Variants in DLC1 observed in about 807,000 individuals in gnomAD.
The protein encoded by DLC1 is rho GTPase-activating protein 7.
A neutral mutation model predicts 140.3 loss-of-function variants in DLC1; 54 were observed. That is an observed-to-expected ratio of 0.38 (90% CI 0.31 to 0.48). DLC1 has a LOEUF of 0.48. Ranked by LOEUF, DLC1 falls within the 20% of genes least tolerant of loss-of-function variation. DLC1 has a pLI of 0.96. For synonymous variants in DLC1, 986 were observed against 728.1 expected, an observed-to-expected ratio of 1.35 and a Z score of -5.70; for missense variants, 2,536 against 1,907.0, an observed-to-expected ratio of 1.33 and a Z score of -6.14.
intron 1 of DLC1, among the ~76,000 whole-genome samples, chr8:13,557,284 T>C (rs1439961171): frequency 6.6e-6 from 1 of 151,984 alleles, no homozygotes. Flanking sequence ...GACCAAATGG[T>C]GAGATGCAGC....
At chr8:13,166,711 T>C (rs1288915777) in intron 5 of DLC1, among the ~76,000 whole-genome samples, 5 of 151,762 alleles carry the variant, frequency 3.3e-5, no homozygotes, top group Non-Finnish European at 7.4e-5. Context: ...AGCCAACTTA[T>C]TTAAACTGCT....
intron 2 of DLC1, among the ~76,000 whole-genome samples, chr8:13,432,991 A>C (rs2117402227): frequency 6.8e-6 from 1 of 146,094 alleles, no homozygotes; most frequent in South Asian, 2.2e-4. Context: ...GGGGAGAGAG[A>C]ATCTAACTTG....
chr8:13,358,396 G>A (rs1835048847), intron 4 of DLC1, among the ~76,000 whole-genome samples: 1 of 152,192 alleles, frequency 6.6e-6, no homozygotes, highest in Non-Finnish European at 1.5e-5. Context: ...CTGGGTAGAA[G>A]AGTGGAGGAT....
At chr8:13,239,003 C>T (rs1292744660) in intron 5 of DLC1, among the ~76,000 whole-genome samples, 2 of 152,104 alleles carry the variant, frequency 1.3e-5, no homozygotes. Context: ...AAACAAAACT[C>T]GGCAGTGTGA....
chr8:13,505,633 C>T lies in DLC1; in HGVS notation c.-125-5437G>A, dbSNP rs1452474685. On this transcript the variant is annotated intron_variant, in intron 1 of 17. Transcript: ENST00000276297. ...CCCCATTCCCCCTCACCACAGCATCCCCTCGCAATTACACAAACACCAGTC... is the reference window on the plus strand; with the variant it reads ...CCCCATTCCCCCTCACCACAGCATCTCCTCGCAATTACACAAACACCAGTC... 3.3e-5 allele frequency among the ~76,000 whole-genome samples: 5 copies of T among 152,134 alleles called. No individual in the cohort carries two copies. The South Asian group carries it at 1.0e-3, about 32-fold the overall frequency.
At chr8:13,396,326 T>C (rs890916770) in intron 3 of DLC1, among the ~76,000 whole-genome samples, 1 of 152,190 alleles carries the variant, frequency 6.6e-6, no homozygotes, top group Non-Finnish European at 1.5e-5. Context: ...CCCAAAGTGC[T>C]GAGATTACAG....
intron 1 of DLC1, among the ~76,000 whole-genome samples, chr8:13,529,652 C>G (rs1803033208): frequency 6.6e-6 from 1 of 152,098 alleles, no homozygotes; most frequent in Non-Finnish European, 1.5e-5. Context: ...GAAAGTCATT[C>G]CTTGCAACTG....
In DLC1 at chr8:13,243,803, T is replaced by C. The variant is rs947061593; in HGVS notation, c.1348+61466A>G. Reference sequence around the variant, plus strand: ...ATTCCAAGGGCCAAAAGAGCTGCTCTCTGTCTTTCCATGTATTCTTGGACA... The same window carrying C: ...ATTCCAAGGGCCAAAAGAGCTGCTCCCTGTCTTTCCATGTATTCTTGGACA... On this transcript the variant is annotated intron_variant, in intron 5 of 17. Coordinates refer to ENST00000276297, the MANE Select transcript of DLC1 (RefSeq NM_182643.3). 2.6e-5 allele frequency among the ~76,000 whole-genome samples: 4 copies of C among 152,352 alleles called. No homozygotes were observed. In the East Asian group the frequency reaches 7.7e-4, roughly 29 times the overall value.
At chr8:13,491,203 T>C (rs994534609) in intron 2 of DLC1, among the ~76,000 whole-genome samples, 1 of 151,338 alleles carries the variant, frequency 6.6e-6, no homozygotes, top group African/African-American at 2.4e-5. Context: ...ACAATGAAAA[T>C]TAAAAAAGAA....
At chr8:13,573,768 G>A (rs1032663053) in intron 1 of DLC1, among the ~76,000 whole-genome samples, 9 of 152,144 alleles carry the variant, frequency 5.9e-5, no homozygotes, top group Admixed American at 5.9e-4. Flanking sequence ...TTGCACTCAT[G>A]ATCTTTAAGC....
At chr8:13,436,597 T>A (rs75481108) in intron 2 of DLC1, among the ~76,000 whole-genome samples, 2 of 152,298 alleles carry the variant, frequency 1.3e-5, no homozygotes, top group African/African-American at 4.8e-5. Context: ...AAACAGTTTT[T>A]TATTTTTTTA....
chr8:13,097,631 A>C (rs1818616424), intron 10 of DLC1, among the ~76,000 whole-genome samples: 1 of 152,198 alleles, frequency 6.6e-6, no homozygotes, highest in Non-Finnish European at 1.5e-5. Context: ...AAGAATTTCA[A>C]AGATGGTCTC....
At chr8:13,333,266 C>T (rs1833677965) in intron 4 of DLC1, among the ~76,000 whole-genome samples, 1 of 152,130 alleles carries the variant, frequency 6.6e-6, no homozygotes, top group Non-Finnish European at 1.5e-5. Context: ...TCCTTTATTG[C>T]CCAGGCTGGA....
At chr8:13,107,103 C>A (rs1014387332) in intron 7 of DLC1, among the ~76,000 whole-genome samples, 1 of 152,230 alleles carries the variant, frequency 6.6e-6, no homozygotes, top group Non-Finnish European at 1.5e-5. Flanking sequence ...AGGGAACAGA[C>A]ACATGAACCC....
At chr8:13,178,320 C>T (rs1020787454) in intron 5 of DLC1, among the ~76,000 whole-genome samples, 8 of 151,952 alleles carry the variant, frequency 5.3e-5, no homozygotes, top group African/African-American at 1.5e-4. Flanking sequence ...CCCAGCATTT[C>T]GGGAGGCCAT....
In DLC1 at chr8:13,466,196, G is replaced by A. The variant is rs547830729; in HGVS notation, c.1023+32853C>T. Among the ~76,000 whole-genome samples, 135 of 152,210 alleles carry A rather than the reference G, an allele frequency of 8.9e-4. 2 individuals are homozygous for A. Among genetic ancestry groups the A allele is most frequent in the South Asian group, 5.0e-3 (24 of 4,820 alleles). The stretch of plus-strand genomic sequence containing the variant: ...GAATCCTGCTTAGGTAACACCCCGG[G>A]CCCCAATAAAGGCCATCATCCACAG... On this transcript the variant is annotated intron_variant, in intron 2 of 17. Coordinates refer to ENST00000276297, the MANE Select transcript of DLC1 (RefSeq NM_182643.3).
chr8:13,516,078 T>A (rs535329291), upstream of DLC1, among the ~76,000 whole-genome samples: 1 of 152,276 alleles, frequency 6.6e-6, no homozygotes, highest in African/African-American at 2.4e-5. Flanking sequence ...TTAATTATCT[T>A]GCTTGGTGGA....
chr8:13,451,065 A>AAAAAG, intron 2 of DLC1, among the ~76,000 whole-genome samples: 1 of 147,806 alleles, frequency 6.8e-6, no homozygotes, highest in African/African-American at 2.5e-5. Flanking sequence ...AAAAAAAAAA[A>AAAAAG]AAAGAAAAAA....
At chr8:13,469,404 G>C (rs1162532733) in intron 2 of DLC1, among the ~76,000 whole-genome samples, 1 of 152,140 alleles carries the variant, frequency 6.6e-6, no homozygotes, top group Non-Finnish European at 1.5e-5. Context: ...CCTGAGCTCT[G>C]AGTCATAGCT....
Sources: gnomAD v4.1 joint callset for allele counts (sites outside exome capture counted in the v4.1 genomes callset) on GRCh38, gnomAD v4.1.1 for gene constraint, MANE v1.5 for transcripts, NCBI Gene and HGNC (gene_info 2026-07-23, HGNC 2026-07-21) for gene names.